The following SLCO1A2 variants were observed in gnomAD, a reference collection of about 807,000 sequenced individuals.
The protein encoded by SLCO1A2 is solute carrier organic anion transporter family member 1A2, also known as OATP-1.
In SLCO1A2, 67 loss-of-function variants were observed where a neutral mutation model predicts 69.0. The observed-to-expected ratio is 0.97, with a 90% CI of 0.80 to 1.19. The LOEUF is 1.19. Among genes scored for constraint, SLCO1A2 ranks in the 50% most tolerant of loss-of-function variants. The probability of loss-of-function intolerance (pLI) is 0.00; values close to 1 mark genes in which losing one functional copy is unlikely to be tolerated. For missense variants in SLCO1A2, 787 were observed against 793.7 expected (o/e 0.99, Z 0.10); for synonymous variants, 260 against 265.9 (o/e 0.98, Z 0.22).
chr12:21,304,310 G>T, intron 6 of SLCO1A2, 117 bp downstream of exon 6: 1 of 778,580 alleles, frequency 1.3e-6, no homozygotes, highest in Non-Finnish European at 2.0e-6. Context: ...GGCCAACTGT[G>T]CCAAGATACT....
chr12:21,385,523 C>T lies in SLCO1A2; in HGVS notation c.-190+9383G>A, dbSNP rs78368623. On this transcript the variant is annotated intron_variant, in intron 1 of 15. Coordinates refer to the SLCO1A2 transcript ENST00000307378. ...AAGCTCTAAGAGAACAGGATAGGCA[C>T]CTTAAGCAAGAACATTGGTAGAGGA... Among the ~76,000 whole-genome samples the T allele has an allele frequency of 7.9e-3, 1,208 of 152,218 alleles. 18 individuals carry two copies. Among genetic ancestry groups the T allele is most frequent in the African/African-American group, 0.028 (1,166 of 41,516 alleles).
In SLCO1A2 at chr12:21,304,578, A is replaced by AT. The variant is rs778333555; in HGVS notation, c.443-6dup. 5 of 1,573,536 alleles carry AT rather than the reference A, an allele frequency of 3.2e-6. No homozygotes were observed. Among genetic ancestry groups the AT allele is most frequent in the East Asian group, 2.3e-5 (1 of 43,954 alleles). ...ATTTAACTTCCTTTGTACACTCTGC[A>AT]TTAAAAAAAAAAGACATGACATTAG... On this transcript the variant is annotated splice_polypyrimidine_tract_variant and splice_region_variant and intron_variant, in intron 5 of 14. Coordinates refer to ENST00000683939, the MANE Select transcript of SLCO1A2 (RefSeq NM_001386879.1).
In SLCO1A2 at chr12:21,268,463, TTGTC is replaced by T. The variant is rs1377700376; in HGVS notation, c.*1081_*1084del. ...GAGTAAGGAGTAGACAAACAGGTAT[TTGTC>T]TGTTCATTCTATTCTCTTTTACCAG... On this transcript the variant is annotated 3_prime_UTR_variant, in exon 15 of 15. Transcript: ENST00000683939. 2 of 152,102 alleles carry T rather than the reference TTGTC, an allele frequency of 1.3e-5. No individual in the cohort carries two copies. Among genetic ancestry groups the T allele is most frequent in the African/African-American group, 4.8e-5 (2 of 41,442 alleles). 9.4% of individuals were successfully genotyped at this position (152,102 alleles called of 1,614,324 possible). A position where few individuals can be genotyped will look rare whatever the true frequency, so the allele number is the denominator to read the frequency against.
chr12:21,326,117 T>C (rs943842492), intron 2 of SLCO1A2, among the ~76,000 whole-genome samples: 5 of 152,228 alleles, frequency 3.3e-5, no homozygotes, highest in African/African-American at 1.2e-4. Flanking sequence ...CTGATGGTTT[T>C]ATAAAGGGCA....
chr12:21,335,947 C>T (rs1952872257), upstream of SLCO1A2, among the ~76,000 whole-genome samples: 1 of 152,050 alleles, frequency 6.6e-6, no homozygotes, highest in Non-Finnish European at 1.5e-5. Context: ...GATACTTGGA[C>T]CCAGATTCCA....
chr12:21,392,815 T>C (rs993595321), intron 1 of SLCO1A2, among the ~76,000 whole-genome samples: 2 of 152,238 alleles, frequency 1.3e-5, no homozygotes, highest in African/African-American at 4.8e-5. Context: ...TGAATAGTTT[T>C]AAGAGAAGTC....
At position 21,297,501 on chromosome 12, in the gene SLCO1A2, CACACTT is replaced by C. The variant is rs1453069655; in HGVS notation, c.972_977del (p.Ser325_Val326del). ...TGTTAACGAATGCATTGAACTGTAT[CACACTT>C]ACAAGTATGAAAAGCATATAAATTG... On this transcript the variant is annotated inframe_deletion, in exon 9 of 15. Transcript: ENST00000683939. 1.9e-6 allele frequency: 3 copies of C among 1,608,644 alleles called. No homozygotes were observed. The South Asian group carries it at 3.3e-5, about 18-fold the overall frequency.
At chr12:21,338,586 C>T (rs368794415), upstream of SLCO1A2, among the ~76,000 whole-genome samples, 6 of 151,996 alleles carry the variant, frequency 3.9e-5, 1 homozygote, top group African/African-American at 9.6e-5. Flanking sequence ...TTTCTCCTAT[C>T]GCAGTAGTCC....
At chr12:21,360,996 G>A (rs996639798) in intron 2 of SLCO1A2, among the ~76,000 whole-genome samples, 80 of 152,210 alleles carry the variant, frequency 5.3e-4, no homozygotes, top group Non-Finnish European at 1.0e-3. Context: ...AGAAACTTCT[G>A]CAGACTTAAA....
intron 2 of SLCO1A2, among the ~76,000 whole-genome samples, chr12:21,367,588 G>A (rs1204142292): frequency 6.6e-6 from 1 of 151,588 alleles, no homozygotes; most frequent in Non-Finnish European, 1.5e-5. Flanking sequence ...CTGAACAATC[G>A]AAAAAGAGGC....
intron 10 of SLCO1A2, 158 bp downstream of exon 10, chr12:21,295,439 A>G (rs78303403): frequency 0.021 from 12,566 of 598,046 alleles, 162 homozygotes; most frequent in Non-Finnish European, 0.029. Flanking sequence ...GCTTGGATAG[A>G]TTGGCTTGAT....
chr12:21,299,185 C>T (rs1948195405), intron 8 of SLCO1A2, among the ~76,000 whole-genome samples: 1 of 152,084 alleles, frequency 6.6e-6, no homozygotes, highest in South Asian at 2.1e-4. Flanking sequence ...TTAAATCTGA[C>T]CTTTTGGGAA....
chr12:21,401,228 A>T (rs979804412), intron 1 of SLCO1A2, among the ~76,000 whole-genome samples: 5 of 152,060 alleles, frequency 3.3e-5, no homozygotes, highest in African/African-American at 9.6e-5. Flanking sequence ...ATCACAAAAA[A>T]GTTCCTATAT....
intron 1 of SLCO1A2, among the ~76,000 whole-genome samples, chr12:21,388,276 T>A (rs1454552524): frequency 6.6e-6 from 1 of 152,122 alleles, no homozygotes; most frequent in Non-Finnish European, 1.5e-5. Flanking sequence ...GGACATAAGA[T>A]TTGGGAGGGA....
At chr12:21,366,300 C>A (rs1320131381) in intron 2 of SLCO1A2, among the ~76,000 whole-genome samples, 1 of 139,882 alleles carries the variant, frequency 7.1e-6, no homozygotes, top group Non-Finnish European at 1.5e-5. Flanking sequence ...ATCACAAGGA[C>A]AAAAAACCAA....
At chr12:21,416,942 T>G (rs1941998830) in intron 1 of SLCO1A2, among the ~76,000 whole-genome samples, 1 of 152,092 alleles carries the variant, frequency 6.6e-6, no homozygotes, top group Non-Finnish European at 1.5e-5. Context: ...CAAGGAAAAA[T>G]CAAACCTAGT....
At chr12:21,313,040 C>A (rs960850167) in intron 4 of SLCO1A2, among the ~76,000 whole-genome samples, 2 of 152,016 alleles carry the variant, frequency 1.3e-5, no homozygotes, top group Non-Finnish European at 2.9e-5. Flanking sequence ...TGAGTGAGAT[C>A]GCACCACTAC....
At chr12:21,293,858 AT>A in intron 11 of SLCO1A2, 86 bp downstream of exon 11, 2 of 1,109,386 alleles carry the variant, frequency 1.8e-6, no homozygotes, top group South Asian at 4.1e-5. Context: ...GGAAACACTA[AT>A]TTTACTTTTA....
intron 2 of SLCO1A2, chr12:21,354,953 G>T (rs899089088): frequency 1.3e-5 from 2 of 151,830 alleles, no homozygotes; most frequent in African/African-American, 4.8e-5. Flanking sequence ...TATACTCTAT[G>T]GGCAAAGCTT....
Sources: allele counts gnomAD v4.1 joint callset (sites outside exome capture counted in the v4.1 genomes callset), GRCh38; gene constraint gnomAD v4.1.1; transcripts MANE v1.5; gene names NCBI Gene and HGNC (gene_info 2026-07-23, HGNC 2026-07-21).